The following PCCB variants were observed in gnomAD, a reference collection of about 807,000 sequenced individuals.
The protein encoded by PCCB is propionyl-CoA carboxylase subunit beta.
PCCB carries 43 observed loss-of-function variants against 60.7 expected under a neutral mutation model. The observed-to-expected ratio is 0.71, with a 90% confidence interval of 0.55 to 0.91. PCCB has a LOEUF of 0.91. Among genes scored for constraint, PCCB ranks in the 40% least tolerant of loss-of-function variants. The pLI is 0.00. For missense variants in PCCB, 766 were observed against 702.8 expected (o/e 1.09, Z -1.02); for synonymous variants, 276 against 255.9 (o/e 1.08, Z -0.75).
In PCCB at chr3:136,326,937, G is replaced by A. The variant is rs778291654; in HGVS notation, c.1198+27G>A. ...TAAGTTTTTGACAGAGTGGGGGCTA[G>A]GAGAGTTGCCTTTCCCAGTAAGGTG... is the stretch of plus-strand genomic sequence containing the variant. On this transcript the variant is annotated intron_variant, in intron 11 of 14. Transcript: ENST00000251654. The A allele has an allele frequency of 4.8e-6, 7 of 1,460,062 alleles. No individual in the cohort carries two copies. In the African/African-American group the frequency reaches 5.6e-5, roughly 12 times the overall value. 90.4% of individuals were successfully genotyped at this position (1,460,062 alleles called of 1,614,324 possible). A position where few individuals can be genotyped will look rare whatever the true frequency, so the allele number is the denominator to read the frequency against.
At chr3:136,274,282 A>T (rs1170394637) in intron 5 of PCCB, among the ~76,000 whole-genome samples, 1 of 151,814 alleles carries the variant, frequency 6.6e-6, no homozygotes. Context: ...TTGTTTCAAG[A>T]TGTAGAACTC....
At chr3:136,283,795 A>C in intron 5 of PCCB, 42 bp from the exon 6 acceptor site, 1 of 1,339,572 alleles carries the variant, frequency 7.5e-7, no homozygotes, top group Non-Finnish European at 1.1e-6. Context: ...AATGCCTCAA[A>C]CATCTCTGTA....
At chr3:136,326,537 CTG>C (rs998018670) in intron 10 of PCCB, among the ~76,000 whole-genome samples, 2 of 152,244 alleles carry the variant, frequency 1.3e-5, no homozygotes, top group African/African-American at 4.8e-5. Context: ...GCAAGGCCGG[CTG>C]TGTCTCAGCT....
intron 5 of PCCB, among the ~76,000 whole-genome samples, chr3:136,274,003 T>C (rs1942276919): frequency 6.6e-6 from 1 of 151,482 alleles, no homozygotes; most frequent in African/African-American, 2.4e-5. Flanking sequence ...CCCTTTACCT[T>C]GAGGTTATAT....
intron 1 of PCCB, among the ~76,000 whole-genome samples, chr3:136,253,074 C>T (rs1576399786): frequency 7.8e-6 from 1 of 128,274 alleles, no homozygotes; most frequent in African/African-American, 3.0e-5. Flanking sequence ...GGAGTCCAAG[C>T]AATGGAGGTT....
chr3:136,316,774 G>C (rs574458705), intron 9 of PCCB, among the ~76,000 whole-genome samples, 167 bp from the exon 10 acceptor site: 1 of 152,194 alleles, frequency 6.6e-6, no homozygotes, highest in East Asian at 1.9e-4. Context: ...GCAGGGAGGA[G>C]GTGCTGCCTC....
At chr3:136,306,588 C>T (rs1934456385) in intron 9 of PCCB, among the ~76,000 whole-genome samples, 1 of 122,622 alleles carries the variant, frequency 8.2e-6, no homozygotes, top group African/African-American at 2.5e-5. Flanking sequence ...AGTCATCCTA[C>T]ACTGTATACA....
intron 8 of PCCB, among the ~76,000 whole-genome samples, chr3:136,300,644 T>C (rs899535763): frequency 6.6e-6 from 1 of 152,198 alleles, no homozygotes; most frequent in Non-Finnish European, 1.5e-5. Context: ...TTCCAAGTCC[T>C]TGTTCTTTTA....
chr3:136,317,958 T>C (rs1047534427), intron 10 of PCCB, among the ~76,000 whole-genome samples: 1 of 152,218 alleles, frequency 6.6e-6, no homozygotes. Context: ...CTTAGATTTG[T>C]TTTGTATCCT....
chr3:136,265,241 C>G (rs1440645287), intron 5 of PCCB, among the ~76,000 whole-genome samples: 5 of 152,094 alleles, frequency 3.3e-5, no homozygotes, highest in Non-Finnish European at 5.9e-5. Context: ...ACCATAAAAT[C>G]CACCCATTGT....
chr3:136,277,189 G>T (rs1942349920), intron 5 of PCCB, among the ~76,000 whole-genome samples: 1 of 152,178 alleles, frequency 6.6e-6, no homozygotes, highest in Admixed American at 6.5e-5. Flanking sequence ...CTCGAATGCT[G>T]GTTATAATAG....
chr3:136,317,212 ATTTTTTTTT>A (rs397694948), intron 10 of PCCB, 148 bp downstream of exon 10: 2,437 of 258,076 alleles, frequency 9.4e-3, no homozygotes, highest in Non-Finnish European at 0.011. Context: ...ATAAAAGCTA[ATTTTTTTTT>A]TTTTTTTTTT....
intron 1 of PCCB, 134 bp downstream of exon 1, chr3:136,250,692 C>T (rs1384427522): frequency 3.5e-6 from 3 of 849,098 alleles, no homozygotes; most frequent in Non-Finnish European, 5.4e-6. Context: ...GGGTGTTCAC[C>T]TTGAAAACCT....
intron 9 of PCCB, among the ~76,000 whole-genome samples, chr3:136,315,871 T>C (rs1363797778): frequency 6.6e-6 from 1 of 151,114 alleles, no homozygotes; most frequent in Admixed American, 6.6e-5. Flanking sequence ...CTGATTTTGA[T>C]AATATCACTG....
chr3:136,270,169 A>G (rs1201210182), intron 5 of PCCB, among the ~76,000 whole-genome samples: 1 of 152,140 alleles, frequency 6.6e-6, no homozygotes, highest in Admixed American at 6.6e-5. Flanking sequence ...ATGTAACATT[A>G]CTGGTTTTTA....
At position 136,298,207 on chromosome 3, in the gene PCCB, A is replaced by G. The variant is rs542259237; in HGVS notation, c.884+135A>G. ...GGTAGAGTGGCTCCCAGGTGTGGGG[A>G]TGATGTCATGTTTGGCTATAGGAGC... On this transcript the variant is annotated intron_variant, in intron 8 of 14. Coordinates refer to ENST00000251654, the MANE Select transcript of PCCB (RefSeq NM_000532.5). The G allele has an allele frequency of 9.6e-6, 10 of 1,039,160 alleles. No homozygotes were observed. The Admixed American group carries it at 1.7e-4, about 18-fold the overall frequency. The allele number at this position is 1,039,160 out of a possible 1,614,324, so 64.4% of individuals were successfully genotyped here. A position where few individuals can be genotyped will look rare whatever the true frequency, so the allele number is the denominator to read the frequency against.
intron 5 of PCCB, among the ~76,000 whole-genome samples, chr3:136,262,411 T>C (rs962571215): frequency 5.3e-5 from 8 of 152,226 alleles, no homozygotes; most frequent in Non-Finnish European, 1.0e-4. Context: ...TTAGAAGTTT[T>C]AAAAAATGTA....
chr3:136,327,292 C>G lies in PCCB; in HGVS notation c.1299+37C>G, dbSNP rs542746489. 2.7e-6 allele frequency: 4 copies of G among 1,505,994 alleles called. No individual in the cohort carries two copies. The Admixed American group carries it at 5.0e-5, about 19-fold the overall frequency. The allele number at this position is 1,505,994 out of a possible 1,614,324, so 93.3% of individuals were successfully genotyped here. On this transcript the variant is annotated intron_variant, in intron 12 of 14. Coordinates refer to ENST00000251654, the MANE Select transcript of PCCB (RefSeq NM_000532.5). ...ATGTTGGAGGCCATGACCCTGCTCA[C>G]TTTCCTACAGCATAGCCGTGGTGGG... is the stretch of plus-strand genomic sequence containing the variant.
chr3:136,271,323 C>G (rs915170240), intron 5 of PCCB, among the ~76,000 whole-genome samples: 1 of 152,026 alleles, frequency 6.6e-6, no homozygotes, highest in African/African-American at 2.4e-5. Flanking sequence ...ATTGCTTTGG[C>G]TATCTGGACT....
Sources: gnomAD v4.1 joint callset for allele counts (sites outside exome capture counted in the v4.1 genomes callset) on GRCh38, gnomAD v4.1.1 for gene constraint, MANE v1.5 for transcripts, NCBI Gene and HGNC (gene_info 2026-07-23, HGNC 2026-07-21) for gene names.